SLC24A3: variants seen among roughly 807,000 people sequenced by gnomAD.
SLC24A3 encodes sodium/potassium/calcium exchanger 3.
SLC24A3 carries 28 observed loss-of-function variants against 75.8 expected under a neutral mutation model. The ratio of observed to expected loss-of-function variants is 0.37; its 90% CI spans 0.27 to 0.51. SLC24A3 has a LOEUF of 0.51. Among genes scored for constraint, SLC24A3 ranks in the 20% least tolerant of loss-of-function variants. The probability of loss-of-function intolerance (pLI) is 0.94; values close to 1 mark genes in which losing one functional copy is unlikely to be tolerated. For missense variants in SLC24A3, 663 were observed against 847.8 expected, an observed-to-expected ratio of 0.78 and a Z score of 2.71; for synonymous variants, 372 against 334.1, an observed-to-expected ratio of 1.11 and a Z score of -1.24.
intron 10 of SLC24A3, among the ~76,000 whole-genome samples, chr20:19,682,462 A>C (rs754015824): frequency 3.3e-5 from 5 of 152,048 alleles, no homozygotes; most frequent in Non-Finnish European, 7.4e-5. Flanking sequence ...GAGCCATCTC[A>C]TACCTGGTAA....
chr20:19,312,258 G>T, intron 2 of SLC24A3, among the ~76,000 whole-genome samples: 1 of 152,194 alleles, frequency 6.6e-6, no homozygotes, highest in East Asian at 1.9e-4. Flanking sequence ...TGTAGGGAAA[G>T]TATAGGTGTG....
At chr20:19,281,136 A>C in intron 2 of SLC24A3, 49 bp downstream of exon 2, 1 of 1,601,706 alleles carries the variant, frequency 6.2e-7, no homozygotes, top group Non-Finnish European at 8.5e-7. Context: ...TTCTCTGGCT[A>C]TGGCTGAGGA....
chr20:19,622,496 G>A (rs1476190561), intron 6 of SLC24A3, among the ~76,000 whole-genome samples: 1 of 152,100 alleles, frequency 6.6e-6, no homozygotes, highest in African/African-American at 2.4e-5. Context: ...GCTGAAAAAG[G>A]AAAAATATAT....
At chr20:19,264,377 T>C (rs567708521) in intron 1 of SLC24A3, among the ~76,000 whole-genome samples, 1 of 152,204 alleles carries the variant, frequency 6.6e-6, no homozygotes, top group African/African-American at 2.4e-5. Flanking sequence ...CAATACAGCA[T>C]TGCCCCAAGC....
chr20:19,518,236 A>C (rs2030033568), intron 3 of SLC24A3, among the ~76,000 whole-genome samples: 1 of 152,236 alleles, frequency 6.6e-6, no homozygotes, highest in Admixed American at 6.5e-5. Flanking sequence ...AAGAAGCAAA[A>C]TACAGACTTC....
At chr20:19,572,586 C>T (rs755495384) in intron 3 of SLC24A3, among the ~76,000 whole-genome samples, 30 of 152,096 alleles carry the variant, frequency 2.0e-4, no homozygotes, top group Non-Finnish European at 3.8e-4. Flanking sequence ...TTGAGGCATT[C>T]GCTGGTATTT....
chr20:19,431,432 G>A (rs1270974371), intron 2 of SLC24A3, among the ~76,000 whole-genome samples: 1 of 152,102 alleles, frequency 6.6e-6, no homozygotes, highest in Non-Finnish European at 1.5e-5. Flanking sequence ...AGCAAGACCA[G>A]CAGAGCATCA....
intron 2 of SLC24A3, among the ~76,000 whole-genome samples, chr20:19,417,453 A>T (rs374158627): frequency 3.0e-4 from 46 of 152,346 alleles, no homozygotes; most frequent in African/African-American, 1.1e-3. Context: ...TGTCAAGTGG[A>T]TGGAAGCGTG....
chr20:19,585,281 T>C (rs1208507583), intron 5 of SLC24A3, among the ~76,000 whole-genome samples, 160 bp from the exon 6 acceptor site: 1 of 152,200 alleles, frequency 6.6e-6, no homozygotes, highest in African/African-American at 2.4e-5. Context: ...CACACTCCTG[T>C]GCAGCTATCA....
At chr20:19,369,481 T>C (rs1230954952) in intron 2 of SLC24A3, among the ~76,000 whole-genome samples, 1 of 152,182 alleles carries the variant, frequency 6.6e-6, no homozygotes, top group East Asian at 1.9e-4. Context: ...GGGACTTTTG[T>C]TGAATCCTGG....
intron 6 of SLC24A3, among the ~76,000 whole-genome samples, chr20:19,633,278 GTAGATGGCTGTCT>G: frequency 6.6e-6 from 1 of 152,296 alleles, no homozygotes; most frequent in South Asian, 2.1e-4. Context: ...TCCTTGCATT[GTAGATGGCTGTCT>G]TCTCCCTGTG....
chr20:19,660,203 T>C (rs2032311370), intron 7 of SLC24A3, among the ~76,000 whole-genome samples: 1 of 152,156 alleles, frequency 6.6e-6, no homozygotes, highest in Admixed American at 6.5e-5. Flanking sequence ...TATATAGTGG[T>C]GAAGTCTGAA....
chr20:19,233,180 C>T (rs1036998170), intron 1 of SLC24A3, among the ~76,000 whole-genome samples: 6 of 152,206 alleles, frequency 3.9e-5, no homozygotes, highest in Non-Finnish European at 8.8e-5. Flanking sequence ...TTCGCAAGAG[C>T]GATGAGCAGT....
intron 3 of SLC24A3, among the ~76,000 whole-genome samples, chr20:19,536,686 C>A (rs894776407): frequency 2.2e-4 from 33 of 152,232 alleles, no homozygotes; most frequent in African/African-American, 7.5e-4. Flanking sequence ...AGATATAGAC[C>A]AATGGAACAG....
At chr20:19,328,792 A>T (rs1984928066) in intron 2 of SLC24A3, among the ~76,000 whole-genome samples, 1 of 152,220 alleles carries the variant, frequency 6.6e-6, no homozygotes, top group Admixed American at 6.5e-5. Flanking sequence ...GGCTGGAGAT[A>T]CCAAGGGGGG....
chr20:19,698,695 C>T lies in SLC24A3; in HGVS notation c.1719+15C>T. 2 of 1,549,122 alleles carry T rather than the reference C, an allele frequency of 1.3e-6. No homozygotes were observed. Among genetic ancestry groups the T allele is most frequent in the Non-Finnish European group, 1.8e-6 (2 of 1,139,824 alleles). ...ACGGATCCTACGTAAGTGGTTTTCT[C>T]CAGGACTTCTCCTGAAATCCAGGGC... On this transcript the variant is annotated intron_variant, in intron 15 of 16. Coordinates refer to ENST00000328041, the MANE Select transcript of SLC24A3 (RefSeq NM_020689.4).
chr20:19,379,573 G>A (rs1986147075), intron 2 of SLC24A3, among the ~76,000 whole-genome samples: 1 of 152,188 alleles, frequency 6.6e-6, no homozygotes, highest in South Asian at 2.1e-4. Flanking sequence ...GGGCCATGGT[G>A]ACCTGTGCTC....
chr20:19,648,357 A>G (rs2032162285), intron 6 of SLC24A3, among the ~76,000 whole-genome samples: 1 of 152,200 alleles, frequency 6.6e-6, no homozygotes, highest in South Asian at 2.1e-4. Context: ...TCCCTTTTCC[A>G]TGAAATTTGT....
intron 6 of SLC24A3, among the ~76,000 whole-genome samples, chr20:19,613,464 T>G (rs2031697688): frequency 6.6e-6 from 1 of 152,242 alleles, no homozygotes; most frequent in Non-Finnish European, 1.5e-5. Context: ...TCTAAAGAGT[T>G]CTTTTTTAGA....
Sources: allele counts gnomAD v4.1 joint callset (sites outside exome capture counted in the v4.1 genomes callset), GRCh38; gene constraint gnomAD v4.1.1; transcripts MANE v1.5; gene names NCBI Gene and HGNC (gene_info 2026-07-23, HGNC 2026-07-21).